Variants in FOXP1 observed in about 807,000 individuals in gnomAD.
The protein encoded by FOXP1 is forkhead box P1, also known as forkhead box protein P1.
FOXP1 carries 15 observed loss-of-function variants against 98.2 expected under a neutral mutation model. The observed-to-expected ratio is 0.15, with a 90% CI of 0.10 to 0.24. The LOEUF is 0.24. Ranked by LOEUF, FOXP1 falls within the 10% of genes least tolerant of loss-of-function variation. The pLI is 1.00. For synonymous variants in FOXP1, 371 were observed against 314.5 expected (o/e 1.18, Z -1.90); for missense variants, 633 against 848.5 (o/e 0.75, Z 3.15).
chr3:71,220,903 G>C lies in FOXP1; in HGVS notation c.-11-22511C>G, dbSNP rs1182171963. ...TCTGGTCCTCACAACTACTTTGTGA[G>C]GTACATATTAATCCTCTTTTTTTTT... On this transcript the variant is annotated intron_variant, in intron 5 of 20. Coordinates refer to ENST00000649528, the MANE Select transcript of FOXP1 (RefSeq NM_001349338.3). Among the ~76,000 whole-genome samples the C allele has an allele frequency of 1.4e-5, 2 of 144,990 alleles. 1 individual carries two copies. Among genetic ancestry groups the C allele is most frequent in the Admixed American group, 1.4e-4 (2 of 14,062 alleles).
At chr3:71,289,054 A>C (rs2072477037) in intron 5 of FOXP1, among the ~76,000 whole-genome samples, 1 of 150,112 alleles carries the variant, frequency 6.7e-6, no homozygotes, top group African/African-American at 2.5e-5. Context: ...TTATTTTTTG[A>C]GATGGAGTCT....
In FOXP1 at chr3:71,448,916, A is replaced by G. The variant is rs1008295927; in HGVS notation, c.-168+44510T>C. ...CATGGAGGACACTTGCAACTGTACA[A>G]CTTAGTAAGGCGTGGGCATGCAAAG... On this transcript the variant is annotated intron_variant, in intron 3 of 20. Transcript: ENST00000649528. Among the ~76,000 whole-genome samples the G allele has an allele frequency of 2.6e-5, 4 of 152,312 alleles. No individual in the cohort carries two copies. The South Asian group carries it at 8.3e-4, about 32-fold the overall frequency.
At chr3:71,187,998 G>T (rs974412526) in intron 6 of FOXP1, among the ~76,000 whole-genome samples, 1 of 152,154 alleles carries the variant, frequency 6.6e-6, no homozygotes, top group Non-Finnish European at 1.5e-5. Flanking sequence ...TTCGTATCAT[G>T]CAGCCCTGAA....
chr3:71,094,440 C>T (rs2056259275), intron 7 of FOXP1, among the ~76,000 whole-genome samples: 1 of 151,894 alleles, frequency 6.6e-6, no homozygotes, highest in South Asian at 2.1e-4. Context: ...CCACCATGCC[C>T]GGCTAATATA....
In FOXP1 at chr3:71,348,548, T is replaced by TGTGC. The variant is rs752492060; in HGVS notation, c.-73+10601_-73+10602insGCAC. Among the ~76,000 whole-genome samples the TGTGC allele has an allele frequency of 5.1e-3, 669 of 132,120 alleles. 11 individuals carry two copies. Among genetic ancestry groups the TGTGC allele is most frequent in the East Asian group, 0.017 (81 of 4,838 alleles). The allele number at this position is 132,120 out of a possible 152,430, so 86.7% of individuals were successfully genotyped here. On this transcript the variant is annotated intron_variant, in intron 4 of 20. Transcript: ENST00000649528. The stretch of plus-strand genomic sequence containing the variant: ...GTGTGTGTGTGTGTGTGTGTGTGTG[T>TGTGC]GCGTGCGCGCGCGCACGCATATGCA...
chr3:71,343,514 CT>C (rs2077134761), intron 4 of FOXP1, among the ~76,000 whole-genome samples: 1 of 140,552 alleles, frequency 7.1e-6, no homozygotes, highest in Non-Finnish European at 1.6e-5. Flanking sequence ...AAGATAAGTT[CT>C]TTTTTTCCCC....
chr3:71,244,008 CA>C lies in FOXP1; in HGVS notation c.-11-45617del, dbSNP rs553633945. On this transcript the variant is annotated intron_variant, in intron 5 of 20. Coordinates refer to ENST00000649528, the MANE Select transcript of FOXP1 (RefSeq NM_001349338.3). ...AAGAAAAAGTACATAGCCAGTCACC[CA>C]AACACACCTTCACATTAAAATTTAA... is the stretch of plus-strand genomic sequence containing the variant. 1.9e-3 allele frequency among the ~76,000 whole-genome samples: 295 copies of C among 152,276 alleles called. 4 individuals are homozygous for C. The highest frequency in any genetic ancestry group is 4.8e-3 in the South Asian group (23 of 4,820).
chr3:71,086,420 G>GACA (rs1188425072), intron 7 of FOXP1, among the ~76,000 whole-genome samples: 1 of 152,142 alleles, frequency 6.6e-6, no homozygotes, highest in Non-Finnish European at 1.5e-5. Context: ...TTGCTTATGT[G>GACA]ACAACAACAT....
At chr3:71,562,029 G>A (rs573588101) in intron 2 of FOXP1, among the ~76,000 whole-genome samples, 49 of 152,254 alleles carry the variant, frequency 3.2e-4, no homozygotes, top group African/African-American at 9.6e-4. Flanking sequence ...AAGGAAAAAG[G>A]GCCAAGCATG....
At chr3:71,137,606 T>C (rs2059882598) in intron 6 of FOXP1, among the ~76,000 whole-genome samples, 1 of 152,138 alleles carries the variant, frequency 6.6e-6, no homozygotes, top group Non-Finnish European at 1.5e-5. Flanking sequence ...TTGGGAGTTT[T>C]AGCTTTCAAA....
chr3:71,303,096 A>C (rs1284547408), intron 4 of FOXP1, among the ~76,000 whole-genome samples: 1 of 152,198 alleles, frequency 6.6e-6, no homozygotes, highest in Non-Finnish European at 1.5e-5. Flanking sequence ...TCATTTCACA[A>C]AACTGAAAAT....
At chr3:71,546,617 C>T (rs945754266) in intron 2 of FOXP1, among the ~76,000 whole-genome samples, 2 of 145,326 alleles carry the variant, frequency 1.4e-5, no homozygotes, top group Non-Finnish European at 3.0e-5. Context: ...GTGCAAGATA[C>T]CCAACCACCG....
At chr3:71,506,749 T>A (rs1403407530) in intron 2 of FOXP1, among the ~76,000 whole-genome samples, 1 of 152,188 alleles carries the variant, frequency 6.6e-6, no homozygotes, top group Non-Finnish European at 1.5e-5. Flanking sequence ...GCATCCAGAT[T>A]TCCACCTCCA....
chr3:71,182,502 A>ATATGTG lies in FOXP1; in HGVS notation c.180+15699_180+15700insCACATA, dbSNP rs1431300428. On this transcript the variant is annotated intron_variant, in intron 6 of 20. Transcript: ENST00000649528. ...ATACAGAAAAGTGTAAACTATATATATGTGTGTGTGTGTGTGTGTGTGTGT... is the reference window on the plus strand; with the variant it reads ...ATACAGAAAAGTGTAAACTATATATATATGTGTGTGTGTGTGTGTGTGTGTGTGTGT... Among the ~76,000 whole-genome samples, 889 of 133,702 alleles carry ATATGTG rather than the reference A, an allele frequency of 6.6e-3. 7 individuals carry two copies. Among genetic ancestry groups the ATATGTG allele is most frequent in the African/African-American group, 0.023 (822 of 35,382 alleles). 87.7% of individuals were successfully genotyped at this position (133,702 alleles called of 152,430 possible).
At chr3:71,302,784 A>G (rs989794768) in intron 4 of FOXP1, 1 of 152,198 alleles carries the variant, frequency 6.6e-6, no homozygotes, top group Non-Finnish European at 1.5e-5. Flanking sequence ...TGATTGCAAC[A>G]GTATCATTTA....
chr3:71,000,536 T>G (rs995740452), intron 13 of FOXP1, among the ~76,000 whole-genome samples: 1 of 152,184 alleles, frequency 6.6e-6, no homozygotes, highest in South Asian at 2.1e-4. Context: ...TTCACATTCA[T>G]TCTCTCAAAC....
chr3:71,298,464 C>T (rs2073546380), intron 5 of FOXP1, among the ~76,000 whole-genome samples: 1 of 141,404 alleles, frequency 7.1e-6, no homozygotes, highest in South Asian at 2.3e-4. Flanking sequence ...AACTCCGTCT[C>T]AAAAAGAAAA....
intron 4 of FOXP1, among the ~76,000 whole-genome samples, chr3:71,346,248 T>C (rs2077352274): frequency 6.6e-6 from 1 of 152,230 alleles, no homozygotes; most frequent in Non-Finnish European, 1.5e-5. Flanking sequence ...AAAGCTCTCC[T>C]GCAGATGTTG....
At chr3:71,002,767 T>C (rs1268318658) in intron 12 of FOXP1, among the ~76,000 whole-genome samples, 1 of 152,144 alleles carries the variant, frequency 6.6e-6, no homozygotes, top group Admixed American at 6.5e-5. Flanking sequence ...AATTCAGAAA[T>C]CGAGGTTCAA....
Sources: allele counts gnomAD v4.1 joint callset (sites outside exome capture counted in the v4.1 genomes callset), GRCh38; gene constraint gnomAD v4.1.1; transcripts MANE v1.5; gene names NCBI Gene and HGNC (gene_info 2026-07-23, HGNC 2026-07-21).